AGFG2: variants seen among roughly 807,000 people sequenced by gnomAD.
AGFG2 encodes the protein ArfGAP with FG repeats 2.
AGFG2 carries 31 observed loss-of-function variants against 48.0 expected under a neutral mutation model. The observed-to-expected ratio is 0.65, with a 90% CI of 0.49 to 0.87. AGFG2 has a LOEUF of 0.87. AGFG2 is among the 40% of genes least tolerant of loss of function. The pLI is 0.00. For synonymous variants in AGFG2, 229 were observed against 260.8 expected (o/e 0.88, Z 1.18); for missense variants, 599 against 632.6 (o/e 0.95, Z 0.57).
At chr7:100,557,595 C>T (rs1282930491) in intron 6 of AGFG2, among the ~76,000 whole-genome samples, 4 of 152,038 alleles carry the variant, frequency 2.6e-5, no homozygotes, top group South Asian at 4.1e-4. Context: ...CCACCATGCC[C>T]GGCTAATTTT....
Position 100,562,557 on chromosome 7 carries a change from G to A in AGFG2, c.999-37G>A. On this transcript the variant is annotated intron_variant, in intron 7 of 11. Transcript: ENST00000300176. This position sits in a 1 kb window ranked among gnomAD's most constrained non-coding sequence, Gnocchi z 5.4. ...CCCTTGCTCAGGTTTGATTGGCCCT[G>A]GCAGCTGTGTATGACTTCTCTCTCC... 2 of 1,613,146 alleles carry A rather than the reference G, an allele frequency of 1.2e-6. No individual in the cohort carries two copies. Among genetic ancestry groups the A allele is most frequent in the Non-Finnish European group, 1.7e-6 (2 of 1,179,716 alleles).
At chr7:100,557,247 G>A (rs1800778663) in intron 6 of AGFG2, among the ~76,000 whole-genome samples, 1 of 151,216 alleles carries the variant, frequency 6.6e-6, no homozygotes, top group Non-Finnish European at 1.5e-5. Flanking sequence ...TCAAAATCAT[G>A]TACTTAAAAT....
intron 3 of AGFG2, among the ~76,000 whole-genome samples, chr7:100,551,743 T>C (rs1445992503): frequency 1.4e-5 from 2 of 148,098 alleles, no homozygotes; most frequent in Non-Finnish European, 3.0e-5. Flanking sequence ...AAAAATTAGC[T>C]GGGTGTGGGG....
chr7:100,556,059 G>T, intron 6 of AGFG2: 1 of 263,386 alleles, frequency 3.8e-6, no homozygotes. Context: ...TTTTCTCTAA[G>T]GTGCTCTTGT....
At chr7:100,541,793 T>C (rs926668537) in intron 1 of AGFG2, among the ~76,000 whole-genome samples, 3 of 148,884 alleles carry the variant, frequency 2.0e-5, no homozygotes, top group Admixed American at 6.7e-5. Context: ...GGAGTATGTA[T>C]AGGGTAAAGT....
At chr7:100,561,107 C>G (rs1385228518) in intron 6 of AGFG2, among the ~76,000 whole-genome samples, 1 of 150,310 alleles carries the variant, frequency 6.7e-6, no homozygotes, top group Non-Finnish European at 1.5e-5. Context: ...GCATGAGCCA[C>G]CACACCTGGC....
chr7:100,556,508 C>T, intron 6 of AGFG2: 3 of 1,181,576 alleles, frequency 2.5e-6, no homozygotes, highest in Non-Finnish European at 3.3e-6. Flanking sequence ...CCGTCAGGCT[C>T]AGATGTCTGG....
At chr7:100,545,214 A>C (rs963442187) in intron 1 of AGFG2, among the ~76,000 whole-genome samples, 1 of 152,146 alleles carries the variant, frequency 6.6e-6, no homozygotes, top group African/African-American at 2.4e-5. Flanking sequence ...GCTGGGTGGA[A>C]CTGGTTTTTT....
intron 6 of AGFG2, among the ~76,000 whole-genome samples, chr7:100,560,281 T>C (rs1800838702): frequency 1.3e-5 from 2 of 151,896 alleles, no homozygotes; most frequent in African/African-American, 2.4e-5. Context: ...CAGGTTCAAG[T>C]GATTCTGGTG....
At chr7:100,553,248 G>T (rs1043530466) in intron 3 of AGFG2, 99 bp from the exon 4 acceptor site, 5 of 1,432,472 alleles carry the variant, frequency 3.5e-6, no homozygotes, top group South Asian at 1.2e-5. Flanking sequence ...AGAGAAAAAT[G>T]AGCATAGATT....
chr7:100,553,614 G>T (rs1435720182), intron 4 of AGFG2, 114 bp downstream of exon 4: 2 of 1,277,644 alleles, frequency 1.6e-6, no homozygotes, highest in East Asian at 5.0e-5. Flanking sequence ...GCTGTGAGTT[G>T]GGTCTCGGCT....
chr7:100,562,039 G>A lies in AGFG2; in HGVS notation c.878-220G>A, dbSNP rs925005896. 3.3e-5 allele frequency among the ~76,000 whole-genome samples: 5 copies of A among 152,054 alleles called. No homozygotes were observed. Among genetic ancestry groups the A allele is most frequent in the African/African-American group, 4.8e-5 (2 of 41,402 alleles). On this transcript the variant is annotated intron_variant, in intron 6 of 11. Coordinates refer to ENST00000300176, the MANE Select transcript of AGFG2 (RefSeq NM_006076.5). The surrounding 1 kb of genome is among the most constrained non-coding windows in gnomAD (Gnocchi z 5.4). ...GCGCAGCTTTGAGCGCAGGGGACAC[G>A]GAGAAGGGCTGGGCTGTCACCTTGC...
At position 100,562,373 on chromosome 7, in the gene AGFG2, C is replaced by T. The variant is rs780605238; in HGVS notation, c.992C>T (p.Pro331Leu). 6.2e-7 allele frequency: 1 copy of T among 1,613,432 alleles called. No homozygotes were observed. The highest frequency in any genetic ancestry group is 1.1e-5 in the South Asian group (1 of 91,054). ...CCCGGGGTGCCCGCTGCAGGTGTTC[C>T]TAGCAGGTAGGTACAGACAGTGGGC... is the stretch of plus-strand genomic sequence containing the variant. ...LGPGVPAAGVPSSLFGMAGQV... is the reference protein window; with the variant it reads ...LGPGVPAAGVLSSLFGMAGQV... The change falls in exon 7 of 12, where the codon CCT becomes CTT. Residue 331 changes from proline (P) to leucine (L), a missense_variant. Transcript: ENST00000300176. This position sits in a 1 kb window ranked among gnomAD's most constrained non-coding sequence, Gnocchi z 5.4.
chr7:100,563,114 GC>G lies in AGFG2; in HGVS notation c.1171+170del, dbSNP rs575638465. 3.9e-3 allele frequency among the ~76,000 whole-genome samples: 597 copies of G among 152,348 alleles called. 7 individuals carry two copies. The highest frequency in any genetic ancestry group is 6.0e-3 in the Non-Finnish European group (410 of 68,030). On this transcript the variant is annotated intron_variant, in intron 9 of 11. Coordinates refer to ENST00000300176, the MANE Select transcript of AGFG2 (RefSeq NM_006076.5). ...GGCCACCTAGCACCCAGGTCACAGAGCCAGATTTTAGAATTAGAAGCACACA... is the reference window on the plus strand; with the variant it reads ...GGCCACCTAGCACCCAGGTCACAGAGCAGATTTTAGAATTAGAAGCACACA...
At position 100,539,252 on chromosome 7, in the gene AGFG2, CA is replaced by C; in HGVS notation, c.-94del. 8.2e-7 allele frequency: 1 copy of C among 1,213,094 alleles called. No individual in the cohort carries two copies. The highest frequency in any genetic ancestry group is 1.0e-6 in the Non-Finnish European group (1 of 957,116). The allele number at this position is 1,213,094 out of a possible 1,614,324, so 75.1% of individuals were successfully genotyped here. On this transcript the variant is annotated 5_prime_UTR_variant, in exon 1 of 12. The change creates a premature stop within an existing upstream ORF in the 5' untranslated region. Coordinates refer to ENST00000300176, the MANE Select transcript of AGFG2 (RefSeq NM_006076.5). Reference sequence around the variant, plus strand: ...ATGCCGCCCGCTCCCGAGCTTCTGTCAGGGGAGCCGGGCGTGCGGAGGCGGC... The same window carrying C: ...ATGCCGCCCGCTCCCGAGCTTCTGTCGGGGAGCCGGGCGTGCGGAGGCGGC...
chr7:100,546,162 C>G (rs562109006), intron 1 of AGFG2, among the ~76,000 whole-genome samples: 4 of 148,768 alleles, frequency 2.7e-5, no homozygotes, highest in South Asian at 4.4e-4. Flanking sequence ...CGTCTGCCGC[C>G]CCCCCCGCCC....
intron 1 of AGFG2, among the ~76,000 whole-genome samples, chr7:100,547,071 T>G (rs1419975678): frequency 6.6e-6 from 1 of 152,192 alleles, no homozygotes; most frequent in East Asian, 1.9e-4. Context: ...TCCAGTGTCC[T>G]GTCCTTTGTT....
Position 100,550,489 on chromosome 7 carries a change from G to C in AGFG2, c.409G>C (p.Glu137Gln), listed in dbSNP as rs966666193. ...TCAGAAAGTGAAGGAGTTTCTCCAG[G>C]AAAAATATGAGAAGAAGAGATGGTA... ...DPQKVKEFLQ[E>Q]KYEKKRWYVP... Residue 137 changes from glutamate (E) to glutamine (Q), a missense_variant, in exon 3 of 12, where the codon GAA becomes CAA. Coordinates refer to ENST00000300176, the MANE Select transcript of AGFG2 (RefSeq NM_006076.5). 2 of 1,613,144 alleles carry C rather than the reference G, an allele frequency of 1.2e-6. No individual in the cohort carries two copies. The highest frequency in any genetic ancestry group is 4.5e-5 in the East Asian group (2 of 44,870).
chr7:100,563,624 C>A lies in AGFG2; in HGVS notation c.1172-210C>A, dbSNP rs1049971347. ...GCACCGCGCCCGTGCCTGGAACTAC[C>A]ATGCCCTCCCTGCCACGTACCCCCG... is the stretch of plus-strand genomic sequence containing the variant. On this transcript the variant is annotated intron_variant, in intron 9 of 11. Transcript: ENST00000300176. Among the ~76,000 whole-genome samples, 5 of 152,328 alleles carry A rather than the reference C, an allele frequency of 3.3e-5. No individual in the cohort carries two copies. In the South Asian group the frequency reaches 6.2e-4, roughly 19 times the overall value.
Sources: allele counts gnomAD v4.1 joint callset (sites outside exome capture counted in the v4.1 genomes callset), GRCh38; gene constraint gnomAD v4.1.1; non-coding constraint Gnocchi (gnomAD v3.1); transcripts MANE v1.5; gene names NCBI Gene and HGNC (gene_info 2026-07-23, HGNC 2026-07-21).